Variants in GPC5 observed in about 807,000 individuals in gnomAD.
The protein encoded by GPC5 is glypican 5.
GPC5 carries 47 observed loss-of-function variants against 53.9 expected under a neutral mutation model. That is an observed-to-expected ratio of 0.87 (90% CI 0.69 to 1.11). The LOEUF (loss-of-function observed/expected upper bound fraction) is 1.11, where lower values mean the gene tolerates loss of function less well. GPC5 is among the 50% of genes most tolerant of loss of function. GPC5 has a pLI of 0.00. For synonymous variants in GPC5, 286 were observed against 263.3 expected, an observed-to-expected ratio of 1.09 and a Z score of -0.84; for missense variants, 748 against 713.1, an observed-to-expected ratio of 1.05 and a Z score of -0.56.
intron 7 of GPC5, among the ~76,000 whole-genome samples, chr13:92,645,653 A>G (rs1885743175): frequency 6.6e-6 from 1 of 152,182 alleles, no homozygotes; most frequent in Admixed American, 6.5e-5. Context: ...CATCAAAAAC[A>G]TATGAGAGTT....
At chr13:92,356,182 CA>C (rs1243513941) in intron 7 of GPC5, among the ~76,000 whole-genome samples, 1 of 152,052 alleles carries the variant, frequency 6.6e-6, no homozygotes, top group Non-Finnish European at 1.5e-5. Context: ...ATTTATTTCA[CA>C]AATGTTATTG....
rs1336656355 is a variant in GPC5, at chr13:91,794,632, G to T, written c.1280+38212G>T. Among the ~76,000 whole-genome samples the T allele has an allele frequency of 2.6e-5, 4 of 152,152 alleles. No homozygotes were observed. In the East Asian group the frequency reaches 7.7e-4, roughly 29 times the overall value. On this transcript the variant is annotated intron_variant, in intron 5 of 7. Transcript: ENST00000377067. The stretch of plus-strand genomic sequence containing the variant: ...ATTCTATCAATTTGCTAATAAATAA[G>T]TGACTACTTGCTAAAATAAATATTT...
intron 2 of GPC5, among the ~76,000 whole-genome samples, chr13:91,641,882 A>T (rs2034439747): frequency 6.6e-6 from 1 of 152,226 alleles, no homozygotes; most frequent in Non-Finnish European, 1.5e-5. Context: ...GAAGAGAGCT[A>T]GTTAAGAAAT....
chr13:92,135,002 C>T (rs899762831), intron 6 of GPC5, among the ~76,000 whole-genome samples: 1 of 152,106 alleles, frequency 6.6e-6, no homozygotes, highest in African/African-American at 2.4e-5. Context: ...TTTCATTAAA[C>T]ATGTTAGAGG....
chr13:91,655,573 A>G (rs535200097), intron 2 of GPC5, among the ~76,000 whole-genome samples: 265 of 152,184 alleles, frequency 1.7e-3, no homozygotes, highest in African/African-American at 6.2e-3. Flanking sequence ...TAAAAGTCAA[A>G]ACCAACAAAT....
At chr13:91,524,950 T>C (rs1215156642) in intron 2 of GPC5, among the ~76,000 whole-genome samples, 1 of 152,236 alleles carries the variant, frequency 6.6e-6, no homozygotes, top group African/African-American at 2.4e-5. Flanking sequence ...GTATTACTGA[T>C]GAAAAGATAT....
intron 4 of GPC5, among the ~76,000 whole-genome samples, chr13:91,737,692 T>C (rs1432907604): frequency 6.6e-6 from 1 of 151,480 alleles, no homozygotes; most frequent in Non-Finnish European, 1.5e-5. Flanking sequence ...TTGTTTAAAA[T>C]TATGTTAGAG....
At chr13:91,646,289 A>G (rs2034555121) in intron 2 of GPC5, among the ~76,000 whole-genome samples, 2 of 152,104 alleles carry the variant, frequency 1.3e-5, no homozygotes, top group Non-Finnish European at 2.9e-5. Flanking sequence ...CCTGATTTGG[A>G]AAAGGAACCC....
intron 2 of GPC5, among the ~76,000 whole-genome samples, chr13:91,454,800 C>T (rs58648857): frequency 0.076 from 11,521 of 151,994 alleles, 1,406 homozygotes; most frequent in African/African-American, 0.26. Flanking sequence ...CTAGATTCAC[C>T]TGCTTTTTAA....
At chr13:92,633,876 G>A (rs1885335259) in intron 7 of GPC5, among the ~76,000 whole-genome samples, 1 of 152,016 alleles carries the variant, frequency 6.6e-6, no homozygotes, top group African/African-American at 2.4e-5. Context: ...CCATATATAT[G>A]TTTTATATAT....
At chr13:92,129,738 T>A (rs998465707) in intron 6 of GPC5, among the ~76,000 whole-genome samples, 3 of 152,156 alleles carry the variant, frequency 2.0e-5, no homozygotes, top group Admixed American at 2.0e-4. Context: ...TAAAACAACC[T>A]GAAAAGAGAT....
At chr13:92,218,119 C>T (rs1333824210) in intron 7 of GPC5, among the ~76,000 whole-genome samples, 2 of 151,624 alleles carry the variant, frequency 1.3e-5, no homozygotes, top group Admixed American at 6.6e-5. Flanking sequence ...GTAGAGATGG[C>T]GTCTTGCTAT....
chr13:92,654,733 T>A (rs1395180627), intron 7 of GPC5, among the ~76,000 whole-genome samples: 2 of 141,664 alleles, frequency 1.4e-5, no homozygotes, highest in Admixed American at 1.5e-4. Flanking sequence ...TATACTCAAC[T>A]CTTTTTACCT....
At chr13:91,912,739 T>A (rs199958911) in intron 6 of GPC5, among the ~76,000 whole-genome samples, 1 of 49,170 alleles carries the variant, frequency 2.0e-5, no homozygotes, top group Non-Finnish European at 8.7e-5. Context: ...TTGTGACCAG[T>A]TTTTTATGAT....
intron 2 of GPC5, among the ~76,000 whole-genome samples, chr13:91,525,672 G>A (rs1291574241): frequency 6.6e-6 from 1 of 152,070 alleles, no homozygotes; most frequent in Non-Finnish European, 1.5e-5. Context: ...TCCTTCAGTT[G>A]GTATTGTCTC....
At chr13:92,258,235 C>A (rs1474544722) in intron 7 of GPC5, among the ~76,000 whole-genome samples, 2 of 151,890 alleles carry the variant, frequency 1.3e-5, no homozygotes, top group African/African-American at 4.8e-5. Flanking sequence ...AGGGCAATAC[C>A]CCTTAACAGC....
At chr13:92,758,024 C>A (rs1231381008) in intron 7 of GPC5, among the ~76,000 whole-genome samples, 1 of 151,046 alleles carries the variant, frequency 6.6e-6, no homozygotes, top group African/African-American at 2.4e-5. Flanking sequence ...TATAAAGACA[C>A]ATGCACACGT....
intron 7 of GPC5, among the ~76,000 whole-genome samples, chr13:92,782,256 A>G (rs1876054024): frequency 6.6e-6 from 1 of 152,174 alleles, no homozygotes; most frequent in Non-Finnish European, 1.5e-5. Context: ...ATAAAGCCTT[A>G]CCAAATCTCC....
At chr13:92,269,472 C>A (rs1157523636) in intron 7 of GPC5, among the ~76,000 whole-genome samples, 1 of 152,076 alleles carries the variant, frequency 6.6e-6, no homozygotes, top group Admixed American at 6.5e-5. Context: ...GCAGCACGAT[C>A]TCGGCTCACT....
Sources: allele counts gnomAD v4.1 joint callset (sites outside exome capture counted in the v4.1 genomes callset), GRCh38; gene constraint gnomAD v4.1.1; transcripts MANE v1.5; gene names NCBI Gene and HGNC (gene_info 2026-07-23, HGNC 2026-07-21).